The following HGF variants were observed in gnomAD, a reference collection of about 807,000 sequenced individuals.
The protein encoded by HGF is fibroblast-derived tumor cytotoxic factor.
Under a neutral mutation model 111.6 loss-of-function variants are expected in HGF, and 39 were observed. The observed-to-expected ratio is 0.35, with a 90% CI of 0.27 to 0.46. HGF has a LOEUF of 0.46. HGF is among the 20% of genes least tolerant of loss of function. The pLI, the probability that HGF is intolerant of heterozygous loss-of-function variation, is 1.00. For missense variants in HGF, 735 were observed against 910.5 expected, an observed-to-expected ratio of 0.81 and a Z score of 2.48; for synonymous variants, 285 against 294.8, an observed-to-expected ratio of 0.97 and a Z score of 0.34.
At chr7:81,724,481 A>C (rs2115894611) in intron 9 of HGF, among the ~76,000 whole-genome samples, 1 of 152,356 alleles carries the variant, frequency 6.6e-6, no homozygotes, top group African/African-American at 2.4e-5. Context: ...TGATCATTTA[A>C]AAAGGATAAC....
intron 8 of HGF, among the ~76,000 whole-genome samples, chr7:81,729,314 A>T (rs1787555599): frequency 6.6e-6 from 1 of 152,106 alleles, no homozygotes; most frequent in Admixed American, 6.6e-5. Context: ...GACCCAGAAG[A>T]GCAAAACTGT....
At position 81,752,737 on chromosome 7, in the gene HGF, G is replaced by A. The variant is rs115575129; in HGVS notation, c.483-475C>T. Among the ~76,000 whole-genome samples the A allele has an allele frequency of 6.6e-3, 1,009 of 152,124 alleles. 4 individuals are homozygous for A. The highest frequency in any genetic ancestry group is 0.023 in the African/African-American group (963 of 41,518). On this transcript the variant is annotated intron_variant, in intron 4 of 17. Coordinates refer to ENST00000222390, the MANE Select transcript of HGF (RefSeq NM_000601.6). Reference sequence around the variant, plus strand: ...CTTTTTTCTGCACAATTGAGAAACAGATTCATGAAGTAACATGAATAAAGA... The same window carrying A: ...CTTTTTTCTGCACAATTGAGAAACAAATTCATGAAGTAACATGAATAAAGA...
At chr7:81,761,455 T>A (rs1354770997) in intron 2 of HGF, among the ~76,000 whole-genome samples, 1 of 151,998 alleles carries the variant, frequency 6.6e-6, no homozygotes, top group Non-Finnish European at 1.5e-5. Context: ...TTAGGACCAC[T>A]TGCCATGACA....
intron 5 of HGF, among the ~76,000 whole-genome samples, chr7:81,750,612 A>G (rs1487764219): frequency 1.3e-5 from 2 of 152,298 alleles, no homozygotes; most frequent in East Asian, 1.9e-4. Context: ...TTAAGTAAGT[A>G]TATTTTGATG....
At chr7:81,709,863 G>A (rs1466292934) in intron 13 of HGF, among the ~76,000 whole-genome samples, 5 of 152,144 alleles carry the variant, frequency 3.3e-5, no homozygotes, top group Non-Finnish European at 5.9e-5. Context: ...TAGGTCCTCC[G>A]TATTTTGCTT....
rs139018275 is a variant in HGF, at chr7:81,753,467, A to C, written c.483-1205T>G. The stretch of plus-strand genomic sequence containing the variant: ...TAGAGTGAAGTCCAAGGATTTTAGT[A>C]TCTTAGTAAATACCATTCAAATGTG... On this transcript the variant is annotated intron_variant, in intron 4 of 17. Coordinates refer to ENST00000222390, the MANE Select transcript of HGF (RefSeq NM_000601.6). 6.1e-3 allele frequency among the ~76,000 whole-genome samples: 921 copies of C among 152,124 alleles called. 10 individuals carry two copies. Among genetic ancestry groups the C allele is most frequent in the South Asian group, 0.028 (136 of 4,826 alleles).
intron 13 of HGF, among the ~76,000 whole-genome samples, 198 bp from the exon 14 acceptor site, chr7:81,707,562 TC>T (rs1250783015): frequency 1.3e-5 from 2 of 152,150 alleles, no homozygotes; most frequent in African/African-American, 4.8e-5. Flanking sequence ...AGCTTTTTTT[TC>T]ATAATGTGAC....
Position 81,702,890 on chromosome 7 carries a change from A to G in HGF, c.2011-133T>C, listed in dbSNP as rs1304320476. ...ATAACTGCAACTGAAATATGAAGAT[A>G]TAAAAATTAGTGTACTAGACATTTG... On this transcript the variant is annotated intron_variant, in intron 17 of 17. Coordinates refer to ENST00000222390, the MANE Select transcript of HGF (RefSeq NM_000601.6). The G allele has an allele frequency of 6.6e-6, 5 of 759,506 alleles. No individual in the cohort carries two copies. In the African/African-American group the frequency reaches 8.9e-5, roughly 13 times the overall value. 47.0% of individuals were successfully genotyped at this position (759,506 alleles called of 1,614,324 possible).
At chr7:81,762,353 C>T (rs1789127725) in intron 2 of HGF, among the ~76,000 whole-genome samples, 1 of 152,200 alleles carries the variant, frequency 6.6e-6, no homozygotes, top group Non-Finnish European at 1.5e-5. Flanking sequence ...CTAAAAATTC[C>T]TCCATTCCTC....
chr7:81,755,671 C>T (rs958660184), intron 4 of HGF: 1 of 220,248 alleles, frequency 4.5e-6, no homozygotes, highest in Admixed American at 5.7e-5. Flanking sequence ...TTAGATCCAT[C>T]TACTTAAATA....
chr7:81,699,435 T>C lies in HGF; in HGVS notation c.*3146A>G, dbSNP rs919082142. The C allele has an allele frequency of 6.6e-6, 1 of 151,658 alleles. No homozygotes were observed. Among genetic ancestry groups the C allele is most frequent in the Non-Finnish European group, 1.5e-5 (1 of 67,696 alleles). 9.4% of individuals were successfully genotyped at this position (151,658 alleles called of 1,614,324 possible). A position where few individuals can be genotyped will look rare whatever the true frequency, so the allele number is the denominator to read the frequency against. On this transcript the variant is annotated 3_prime_UTR_variant, in exon 18 of 18. Transcript: ENST00000222390. ...TTATGTATTTTAAAAACAAAGGCCA[T>C]GTACTTTTACCAAAATTAGTTTTAT...
At chr7:81,752,030 AT>A in intron 5 of HGF, 89 bp downstream of exon 5, 1 of 1,574,786 alleles carries the variant, frequency 6.4e-7, no homozygotes, top group Non-Finnish European at 8.6e-7. Context: ...ATTTGTTATG[AT>A]TGATTCGTTG....
Position 81,730,881 on chromosome 7 carries a change from T to G in HGF, c.866-1102A>C, listed in dbSNP as rs142098552. On this transcript the variant is annotated intron_variant, in intron 7 of 17. Coordinates refer to ENST00000222390, the MANE Select transcript of HGF (RefSeq NM_000601.6). ...CAAGTTGGCAGCCTCTAGGACAGTT[T>G]AAGATTTGAGTAAATTTCATTGATT... Among the ~76,000 whole-genome samples the G allele has an allele frequency of 9.8e-5, 15 of 152,298 alleles. No individual in the cohort carries two copies. The East Asian group carries it at 2.7e-3, about 27-fold the overall frequency.
chr7:81,729,538 AG>A, intron 8 of HGF, 66 bp downstream of exon 8: 1 of 1,252,732 alleles, frequency 8.0e-7, no homozygotes, highest in South Asian at 1.2e-5. Flanking sequence ...ATTAGTAAAA[AG>A]TAACCACTCT....
At chr7:81,751,864 C>T in intron 5 of HGF, 1 of 1,311,028 alleles carries the variant, frequency 7.6e-7, no homozygotes, top group Non-Finnish European at 9.7e-7. Flanking sequence ...CCCTCTCTTT[C>T]ACTTTCCCCA....
rs989875709 is a variant in HGF at position 81,769,215 on chromosome 7, C to A, written c.88+669G>T. On this transcript the variant is annotated intron_variant, in intron 1 of 17. Coordinates refer to ENST00000222390, the MANE Select transcript of HGF (RefSeq NM_000601.6). ...TTTCAAGCAACTCCTCCCCAAACGG[C>A]AAATCCAAGGGAGAAAGTGGGAGAC... 3.3e-5 allele frequency among the ~76,000 whole-genome samples: 5 copies of A among 152,126 alleles called. No homozygotes were observed. The South Asian group carries it at 1.0e-3, about 31-fold the overall frequency.
At chr7:81,745,757 A>T (rs1433505970) in intron 5 of HGF, among the ~76,000 whole-genome samples, 1 of 152,226 alleles carries the variant, frequency 6.6e-6, no homozygotes. Context: ...ATAGAAGATG[A>T]CCTGCTATTG....
chr7:81,726,485 T>C (rs1218754270), intron 8 of HGF, among the ~76,000 whole-genome samples: 4 of 152,252 alleles, frequency 2.6e-5, no homozygotes, highest in African/African-American at 9.6e-5. Context: ...GTTCAATCTA[T>C]TCAAATATGT....
At chr7:81,744,881 G>A (rs989256053) in intron 6 of HGF, 119 bp downstream of exon 6, 7 of 1,133,396 alleles carry the variant, frequency 6.2e-6, no homozygotes, top group Admixed American at 1.9e-5. Context: ...AGTTCTAAAT[G>A]TTATGTTCAT....
Sources: allele counts gnomAD v4.1 joint callset (sites outside exome capture counted in the v4.1 genomes callset), GRCh38; gene constraint gnomAD v4.1.1; transcripts MANE v1.5; gene names NCBI Gene and HGNC (gene_info 2026-07-23, HGNC 2026-07-21).